PILRB: variants seen among roughly 807,000 people sequenced by gnomAD.
PILRB encodes paired immunoglobulin-like type 2 receptor beta.
A neutral mutation model predicts 20.5 loss-of-function variants in PILRB; 21 were observed. That is an observed-to-expected ratio of 1.02 (90% confidence interval 0.72 to 1.47). PILRB has a LOEUF of 1.47. Ranked by LOEUF, PILRB falls within the 40% of genes most tolerant of loss-of-function variation. PILRB has a pLI of 0.00. For missense variants in PILRB, 253 were observed against 272.1 expected (o/e 0.93, Z 0.49); for synonymous variants, 133 against 115.1 (o/e 1.16, Z -0.99).
Position 100,364,880 on chromosome 7 carries a change from G to A in PILRB, c.656-2469G>A, listed in dbSNP as rs1018441456. ...AGGTTAGGAGAATGACCTGAGCCCA[G>A]GAGGTTGAGGGTGTAGTGAACTATG... is the stretch of plus-strand genomic sequence containing the variant. On this transcript the variant is annotated intron_variant, in intron 3 of 3. Transcript: ENST00000609309. Among the ~76,000 whole-genome samples the A allele has an allele frequency of 2.6e-5, 4 of 152,084 alleles. No homozygotes were observed. In the East Asian group the frequency reaches 7.7e-4, roughly 29 times the overall value.
rs1388770393 is a variant in PILRB at position 100,367,666 on chromosome 7, A to G, written c.*289A>G. Reference sequence around the variant, plus strand: ...CACTGGCATTTGGGGGCTGTTTATTATAGCAGTGCAAAGAGTTCCTTTATC... The same window carrying G: ...CACTGGCATTTGGGGGCTGTTTATTGTAGCAGTGCAAAGAGTTCCTTTATC... On this transcript the variant is annotated 3_prime_UTR_variant, in exon 4 of 4. Transcript: ENST00000609309. 4.2e-5 allele frequency: 19 copies of G among 449,134 alleles called. No homozygotes were observed. The East Asian group carries it at 6.7e-4, about 16-fold the overall frequency. The allele number at this position is 449,134 out of a possible 1,614,324, so 27.8% of individuals were successfully genotyped here.
At chr7:100,361,872 G>A (rs953750496) in intron 3 of PILRB, among the ~76,000 whole-genome samples, 11 of 152,058 alleles carry the variant, frequency 7.2e-5, no homozygotes, top group Non-Finnish European at 1.2e-4. Context: ...ATGGAAGCAC[G>A]TGAGATTATT....
At chr7:100,360,063 C>T (rs1037504742) in intron 3 of PILRB, among the ~76,000 whole-genome samples, 1 of 152,124 alleles carries the variant, frequency 6.6e-6, no homozygotes, top group Non-Finnish European at 1.5e-5. Flanking sequence ...CCAGCCCTCT[C>T]CACACAGCTG....
chr7:100,365,365 G>A (rs1200902267), intron 3 of PILRB, among the ~76,000 whole-genome samples: 2 of 152,214 alleles, frequency 1.3e-5, no homozygotes, highest in Non-Finnish European at 2.9e-5. Flanking sequence ...AGGACATTAT[G>A]CTAAGTGAAA....
chr7:100,364,222 G>A (rs1234832515), intron 3 of PILRB, among the ~76,000 whole-genome samples: 4 of 152,036 alleles, frequency 2.6e-5, no homozygotes, highest in Non-Finnish European at 5.9e-5. Flanking sequence ...ATGACCACTC[G>A]ACGAAGAATA....
chr7:100,365,655 C>T (rs1790660011), intron 3 of PILRB, among the ~76,000 whole-genome samples: 1 of 152,048 alleles, frequency 6.6e-6, no homozygotes, highest in African/African-American at 2.4e-5. Context: ...CCTGTCTCTA[C>T]TAAAAATACA....
chr7:100,366,523 A>G (rs1020235784), intron 3 of PILRB, among the ~76,000 whole-genome samples: 2 of 152,054 alleles, frequency 1.3e-5, no homozygotes, highest in Non-Finnish European at 2.9e-5. Flanking sequence ...CCAGGGGGAC[A>G]AGAGGGGCAG....
intron 3 of PILRB, 93 bp downstream of exon 3, chr7:100,359,630 C>T: frequency 9.2e-7 from 1 of 1,092,386 alleles, no homozygotes; most frequent in Non-Finnish European, 1.4e-6. Flanking sequence ...AATATGCAGA[C>T]CCTGCTGGCT....
rs201314672 is a variant in PILRB at position 100,359,116 on chromosome 7, G to A, written c.454+37G>A. ...TGCCCTGACACCTGCCTTGCCCACC[G>A]CAGTGAGGGTTTTGGTGACCACTGA... is the stretch of plus-strand genomic sequence containing the variant. On this transcript the variant is annotated intron_variant, in intron 2 of 3. Transcript: ENST00000609309. 1.7e-4 allele frequency: 274 copies of A among 1,612,438 alleles called. 2 individuals carry two copies. Among genetic ancestry groups the A allele is most frequent in the Non-Finnish European group, 3.7e-5 (44 of 1,179,534 alleles).
chr7:100,361,063 G>T, intron 3 of PILRB, among the ~76,000 whole-genome samples: 1 of 152,140 alleles, frequency 6.6e-6, no homozygotes, highest in East Asian at 1.9e-4. Flanking sequence ...AGCCTCCTGA[G>T]TAGCTGGGAC....
chr7:100,358,622 G>A lies in PILRB; in HGVS notation c.65-68G>A, dbSNP rs1187368841. ...GTGGGTGAAGGTGTGGGAGGGTCTG[G>A]GGTCACCCTCTTTGTGTCCTGAGGT... On this transcript the variant is annotated intron_variant, in intron 1 of 3. Coordinates refer to ENST00000609309, the MANE Select transcript of PILRB (RefSeq NM_178238.4). 3.8e-6 allele frequency: 6 copies of A among 1,567,852 alleles called. No homozygotes were observed. The African/African-American group carries it at 6.7e-5, about 18-fold the overall frequency.
chr7:100,365,672 A>T (rs943804113), intron 3 of PILRB, among the ~76,000 whole-genome samples: 1 of 152,164 alleles, frequency 6.6e-6, no homozygotes, highest in Middle Eastern at 3.4e-3. Flanking sequence ...TACAAAAAAT[A>T]AGCTGGTGTG....
chr7:100,366,466 A>G (rs1443273887), intron 3 of PILRB, among the ~76,000 whole-genome samples: 1 of 151,834 alleles, frequency 6.6e-6, no homozygotes, highest in Non-Finnish European at 1.5e-5. Flanking sequence ...GGTGGAGGGG[A>G]TGTCTGTGGA....
chr7:100,367,441 G>A lies in PILRB; in HGVS notation c.*64G>A, dbSNP rs539677770. ...GGAGGACGTGATGTGAGACCCGCTT[G>A]TGAGTCCTCCACACTCGTTCCCCAT... is the stretch of plus-strand genomic sequence containing the variant. On this transcript the variant is annotated 3_prime_UTR_variant, in exon 4 of 4. Coordinates refer to ENST00000609309, the MANE Select transcript of PILRB (RefSeq NM_178238.4). 9.0e-6 allele frequency: 7 copies of A among 777,576 alleles called. 1 individual carries two copies. Among genetic ancestry groups the A allele is most frequent in the South Asian group, 2.7e-5 (2 of 74,570 alleles). The allele number at this position is 777,576 out of a possible 1,614,324, so 48.2% of individuals were successfully genotyped here.
intron 3 of PILRB, among the ~76,000 whole-genome samples, chr7:100,367,081 G>A (rs2130130040): frequency 6.6e-6 from 1 of 152,150 alleles, no homozygotes. Flanking sequence ...CTCACTGTTG[G>A]TCCCCCTACA....
chr7:100,359,998 G>C (rs1790481341), intron 3 of PILRB, among the ~76,000 whole-genome samples: 1 of 152,110 alleles, frequency 6.6e-6, no homozygotes, highest in South Asian at 2.1e-4. Context: ...ACTCCAGCCT[G>C]GTGACAGAAC....
At chr7:100,360,943 T>A (rs1790507378) in intron 3 of PILRB, among the ~76,000 whole-genome samples, 2 of 152,056 alleles carry the variant, frequency 1.3e-5, no homozygotes, top group Admixed American at 1.3e-4. Context: ...TTTGTTTTGT[T>A]TTTTGTTTTT....
At chr7:100,361,502 G>A (rs1001733155) in intron 3 of PILRB, among the ~76,000 whole-genome samples, 46 of 152,190 alleles carry the variant, frequency 3.0e-4, no homozygotes, top group African/African-American at 1.1e-3. Flanking sequence ...GACCAGCCTG[G>A]CCAAAATGGT....
At chr7:100,366,078 T>G (rs1790676227) in intron 3 of PILRB, among the ~76,000 whole-genome samples, 1 of 151,224 alleles carries the variant, frequency 6.6e-6, no homozygotes, top group African/African-American at 2.4e-5. Context: ...ATCAGCCTCC[T>G]GAGTAGCTGG....
Sources: gnomAD v4.1 joint callset for allele counts (sites outside exome capture counted in the v4.1 genomes callset) on GRCh38, gnomAD v4.1.1 for gene constraint, MANE v1.5 for transcripts, NCBI Gene and HGNC (gene_info 2026-07-23, HGNC 2026-07-21) for gene names.